TOGARAM1: variants seen among roughly 807,000 people sequenced by gnomAD.
TOGARAM1 encodes the protein TOG array regulator of axonemal microtubules 1.
In TOGARAM1, 100 loss-of-function variants were observed where a neutral mutation model predicts 166.6. The observed-to-expected ratio is 0.60, with a 90% CI of 0.51 to 0.71. TOGARAM1 has a LOEUF of 0.71. Among genes scored for constraint, TOGARAM1 ranks in the 30% least tolerant of loss-of-function variants. TOGARAM1 has a pLI of 0.00. For synonymous variants in TOGARAM1, 758 were observed against 763.8 expected (o/e 0.99, Z 0.13); for missense variants, 2,029 against 2,102.7 (o/e 0.96, Z 0.69).
At chr14:45,024,339 A>G (rs1004140804) in intron 7 of TOGARAM1, among the ~76,000 whole-genome samples, 5 of 152,216 alleles carry the variant, frequency 3.3e-5, no homozygotes, top group Admixed American at 6.5e-5. Context: ...ATAACAAAGA[A>G]AAAATATATA....
intron 10 of TOGARAM1, 99 bp from the exon 11 acceptor site, chr14:45,032,124 C>A: frequency 2.9e-6 from 3 of 1,043,280 alleles, no homozygotes; most frequent in South Asian, 1.7e-5. Context: ...CGTACTACTG[C>A]ACCCTAGCCT....
intron 19 of TOGARAM1, among the ~76,000 whole-genome samples, chr14:45,072,837 A>G (rs1173490271): frequency 6.6e-6 from 1 of 152,214 alleles, no homozygotes; most frequent in East Asian, 1.9e-4. Flanking sequence ...ACGTGAATAC[A>G]AAGGGCCATA....
chr14:44,977,157 A>G (rs7147644), intron 1 of TOGARAM1, among the ~76,000 whole-genome samples: 1 of 151,832 alleles, frequency 6.6e-6, no homozygotes, highest in African/African-American at 2.4e-5. Context: ...CTTTATATAT[A>G]TGATTGATTG....
At position 44,963,140 on chromosome 14, in the gene TOGARAM1, T is replaced by G. The variant is rs775091625; in HGVS notation, c.719T>G (p.Ile240Ser). The G allele has an allele frequency of 1.9e-6, 3 of 1,614,058 alleles. No homozygotes were observed. In the African/African-American group the frequency reaches 4.0e-5, roughly 22 times the overall value. The change falls in exon 1 of 20, where the codon ATC (isoleucine) becomes AGC (serine). Residue 240 changes from isoleucine (I) to serine (S), a missense_variant. Ile to Ser is a moderately radical substitution (Grantham distance 142). Around this residue, in one of 2 missense-constraint regions of TOGARAM1, gnomAD observed 1,453 missense variants for 1,432.2 expected, o/e 1.01. Coordinates refer to ENST00000361462, the MANE Select transcript of TOGARAM1 (RefSeq NM_001308120.2). ...LRASTALLLP[I>S]LLTTEDLLLG... The stretch of plus-strand genomic sequence containing the variant: ...GCTTCCACAGCACTACTGCTTCCCA[T>G]CTTGCTTACTACTGAGGACTTGTTG...
intron 7 of TOGARAM1, among the ~76,000 whole-genome samples, chr14:45,024,203 TG>T (rs1294524991): frequency 2.6e-5 from 4 of 152,254 alleles, no homozygotes; most frequent in African/African-American, 9.6e-5. Context: ...CTAGTTGTAA[TG>T]GTCCATATCA....
rs1879405831 is a variant in TOGARAM1 at position 45,006,117 on chromosome 14, G to A, written c.2754G>A (p.Arg918=). 4 of 1,613,954 alleles carry A rather than the reference G, an allele frequency of 2.5e-6. No individual in the cohort carries two copies. Among genetic ancestry groups the A allele is most frequent in the African/African-American group, 1.3e-5 (1 of 75,014 alleles). ...CAAAGCCTGTTCCTCCCATACCAAG[G>A]GGAATAAGCCTTTTGCCTGATAAAG... ...NGTKPVPPIP[R]GISLLPDKAD... is the part of the protein sequence containing the mutation. Residue 918 remains arginine, a synonymous_variant, in exon 5 of 20, where the codon AGG becomes AGA. Transcript: ENST00000361462.
At chr14:44,975,612 G>A (rs1886135467) in intron 1 of TOGARAM1, among the ~76,000 whole-genome samples, 2 of 151,976 alleles carry the variant, frequency 1.3e-5, no homozygotes. Context: ...GATTACAGGT[G>A]CATGTCACCA....
At chr14:45,061,494 C>T (rs1300675457) in intron 16 of TOGARAM1, among the ~76,000 whole-genome samples, 2 of 152,132 alleles carry the variant, frequency 1.3e-5, no homozygotes, top group African/African-American at 4.8e-5. Context: ...TTTAGCATTT[C>T]ACCACTGTGT....
At chr14:45,010,837 C>G (rs934312151) in intron 6 of TOGARAM1, among the ~76,000 whole-genome samples, 2 of 152,136 alleles carry the variant, frequency 1.3e-5, no homozygotes, top group African/African-American at 2.4e-5. Context: ...GAAAACCACC[C>G]TCCTAGAGAC....
chr14:45,054,654 T>C, intron 16 of TOGARAM1, 105 bp downstream of exon 16: 1 of 754,800 alleles, frequency 1.3e-6, no homozygotes. Context: ...CAAAATTTAA[T>C]GGAGTTTTAA....
intron 7 of TOGARAM1, among the ~76,000 whole-genome samples, chr14:45,022,759 G>A (rs1338871779): frequency 6.6e-6 from 1 of 151,854 alleles, no homozygotes; most frequent in Admixed American, 6.6e-5. Context: ...GTCCTGTCTT[G>A]CAGCTCTTTT....
chr14:45,055,974 G>A (rs1320009241), intron 16 of TOGARAM1, among the ~76,000 whole-genome samples: 3 of 151,716 alleles, frequency 2.0e-5, no homozygotes, highest in Admixed American at 2.0e-4. Flanking sequence ...GCTTTTGGCA[G>A]TATGGTCGTT....
At chr14:44,968,665 T>C (rs1885698219) in intron 1 of TOGARAM1, among the ~76,000 whole-genome samples, 1 of 152,218 alleles carries the variant, frequency 6.6e-6, no homozygotes, top group Non-Finnish European at 1.5e-5. Context: ...TCCGGTACTT[T>C]AGGGGTACAT....
chr14:44,993,739 C>T (rs1241544324), intron 1 of TOGARAM1, among the ~76,000 whole-genome samples: 6 of 152,232 alleles, frequency 3.9e-5, no homozygotes, highest in African/African-American at 1.4e-4. Context: ...AACTTAATCT[C>T]TGCCTGACTG....
At position 45,004,376 on chromosome 14, in the gene TOGARAM1, A is replaced by G; in HGVS notation, c.2644+10A>G. On this transcript the variant is annotated intron_variant, in intron 4 of 19. Transcript: ENST00000361462. ...ACGGGTAGAAATCATGGTAAAAGTC[A>G]ATACTTTGTTCAAATTTATTTGTGT... The G allele has an allele frequency of 3.7e-6, 6 of 1,607,106 alleles. No homozygotes were observed. The South Asian group carries it at 6.7e-5, about 18-fold the overall frequency.
intron 1 of TOGARAM1, chr14:44,995,382 C>A: frequency 2.3e-6 from 1 of 433,022 alleles, no homozygotes; most frequent in Non-Finnish European, 4.7e-6. Flanking sequence ...CTTCAACTGG[C>A]ACTTATTGTC....
In TOGARAM1 at chr14:45,049,404, C is replaced by T. The variant is rs561110384; in HGVS notation, c.4313+2701C>T. Among the ~76,000 whole-genome samples the T allele has an allele frequency of 4.9e-4, 75 of 152,120 alleles. 1 individual carries two copies. In the South Asian group the frequency reaches 0.015, roughly 30 times the overall value. On this transcript the variant is annotated intron_variant, in intron 14 of 19. Coordinates refer to ENST00000361462, the MANE Select transcript of TOGARAM1 (RefSeq NM_001308120.2). ...CCTCCTGAGTAGCTGGGACTACAAGCGCCTGCCACCACACCCGGCTAATTT... is the reference window on the plus strand; with the variant it reads ...CCTCCTGAGTAGCTGGGACTACAAGTGCCTGCCACCACACCCGGCTAATTT...
intron 12 of TOGARAM1, 126 bp from the exon 13 acceptor site, chr14:45,044,509 C>A: frequency 1.5e-6 from 1 of 682,310 alleles, no homozygotes; most frequent in Non-Finnish European, 2.4e-6. Context: ...CTACTGCACT[C>A]CAGCCTGGTC....
At chr14:45,002,174 G>T (rs909771175) in intron 3 of TOGARAM1, among the ~76,000 whole-genome samples, 3 of 152,026 alleles carry the variant, frequency 2.0e-5, no homozygotes, top group African/African-American at 4.8e-5. Flanking sequence ...ATCCTTTGTG[G>T]TATTATCTGC....
Sources: allele counts gnomAD v4.1 joint callset (sites outside exome capture counted in the v4.1 genomes callset), GRCh38; gene constraint gnomAD v4.1.1; regional missense constraint gnomAD v4.1.1; transcripts MANE v1.5; gene names NCBI Gene and HGNC (gene_info 2026-07-23, HGNC 2026-07-21).